The following PRKAG2 variants were observed in gnomAD, a reference collection of about 807,000 sequenced individuals.
PRKAG2 encodes 5'-AMP-activated protein kinase subunit gamma-2.
In PRKAG2, 26 loss-of-function variants were observed where a neutral mutation model predicts 69.6. The ratio of observed to expected loss-of-function variants is 0.37; its 90% CI spans 0.27 to 0.52. The LOEUF (loss-of-function observed/expected upper bound fraction) is 0.52, where lower values mean the gene tolerates loss of function less well. PRKAG2 is among the 20% of genes least tolerant of loss of function. The pLI, the probability that PRKAG2 is intolerant of heterozygous loss-of-function variation, is 0.90. For missense variants in PRKAG2, 557 were observed against 740.0 expected, an observed-to-expected ratio of 0.75 and a Z score of 2.87; for synonymous variants, 293 against 285.0, an observed-to-expected ratio of 1.03 and a Z score of -0.28.
intron 3 of PRKAG2, among the ~76,000 whole-genome samples, chr7:151,722,774 C>A (rs534537337): frequency 4.6e-5 from 7 of 152,086 alleles, no homozygotes; most frequent in African/African-American, 1.7e-4. Context: ...ACAGGCACTT[C>A]TTATTATGGA....
intron 5 of PRKAG2, among the ~76,000 whole-genome samples, chr7:151,620,160 A>ATATATATATTTTAATATATAT (rs1261690400): frequency 1.2e-4 from 18 of 152,220 alleles, no homozygotes; most frequent in African/African-American, 4.3e-4. Flanking sequence ...CATGAGGTAT[A>ATATATATATTTTAATATATAT]CTTTTAGCTA....
intron 1 of PRKAG2, among the ~76,000 whole-genome samples, chr7:151,808,089 C>T (rs1324408221): frequency 6.6e-6 from 1 of 152,152 alleles, no homozygotes; most frequent in Non-Finnish European, 1.5e-5. Flanking sequence ...GCGGGCGGGG[C>T]TCCCCACCCA....
intron 1 of PRKAG2, among the ~76,000 whole-genome samples, chr7:151,835,000 C>T (rs867010621): frequency 6.6e-4 from 101 of 152,276 alleles, no homozygotes; most frequent in African/African-American, 2.2e-3. Flanking sequence ...GAGGTCTCTC[C>T]GGGCATATCT....
At chr7:151,604,591 T>C (rs1022267981) in intron 5 of PRKAG2, among the ~76,000 whole-genome samples, 1 of 152,074 alleles carries the variant, frequency 6.6e-6, no homozygotes, top group Non-Finnish European at 1.5e-5. Flanking sequence ...TGAGCTGTGA[T>C]TGTGCTACTG....
At chr7:151,617,831 G>A (rs1820545372) in intron 5 of PRKAG2, among the ~76,000 whole-genome samples, 1 of 152,048 alleles carries the variant, frequency 6.6e-6, no homozygotes, top group South Asian at 2.1e-4. Context: ...TTAATATGCT[G>A]AATTTCATTA....
intron 6 of PRKAG2, among the ~76,000 whole-genome samples, chr7:151,586,062 G>C (rs1376091965): frequency 6.6e-6 from 1 of 152,256 alleles, no homozygotes; most frequent in East Asian, 1.9e-4. Flanking sequence ...CCTGCACAGA[G>C]TGAGGAGTGC....
At chr7:151,562,674 A>G (rs1179490638) in intron 14 of PRKAG2, among the ~76,000 whole-genome samples, 3 of 152,116 alleles carry the variant, frequency 2.0e-5, no homozygotes, top group Admixed American at 6.6e-5. Flanking sequence ...GTTACATTCA[A>G]TAGTGGATAT....
chr7:151,793,736 C>T (rs957548187), intron 1 of PRKAG2, among the ~76,000 whole-genome samples: 5 of 152,340 alleles, frequency 3.3e-5, no homozygotes, highest in South Asian at 2.1e-4. Flanking sequence ...GCCGGCCTTG[C>T]GCAATCCCCA....
At chr7:151,824,801 C>CT (rs2151868318) in intron 1 of PRKAG2, among the ~76,000 whole-genome samples, 1 of 152,324 alleles carries the variant, frequency 6.6e-6, no homozygotes, top group South Asian at 2.1e-4. Context: ...CGTGGGGCCA[C>CT]TTACTACCCC....
At chr7:151,748,221 A>G (rs961027863) in intron 3 of PRKAG2, among the ~76,000 whole-genome samples, 14 of 152,148 alleles carry the variant, frequency 9.2e-5, no homozygotes, top group Non-Finnish European at 1.9e-4. Context: ...GTAACCAGCC[A>G]AAAATCTTAC....
chr7:151,652,513 CTTTTTCT>C (rs750854491), intron 4 of PRKAG2, among the ~76,000 whole-genome samples: 5 of 151,970 alleles, frequency 3.3e-5, no homozygotes, highest in Non-Finnish European at 7.4e-5. Context: ...ATGGTAAATT[CTTTTTCT>C]TTTTTCTTTT....
intron 3 of PRKAG2, among the ~76,000 whole-genome samples, chr7:151,757,967 T>G (rs183437055): frequency 6.6e-6 from 1 of 152,266 alleles, no homozygotes; most frequent in Non-Finnish European, 1.5e-5. Flanking sequence ...ACTGCTGCGA[T>G]GAAGCCCTGC....
intron 4 of PRKAG2, among the ~76,000 whole-genome samples, chr7:151,657,553 T>C (rs554094380): frequency 6.6e-6 from 1 of 152,254 alleles, no homozygotes; most frequent in East Asian, 1.9e-4. Flanking sequence ...TTACTAGTCA[T>C]ACAATCTCCA....
chr7:151,676,792 C>T (rs1833010310), intron 3 of PRKAG2, among the ~76,000 whole-genome samples: 1 of 152,136 alleles, frequency 6.6e-6, no homozygotes, highest in Non-Finnish European at 1.5e-5. Context: ...TGAGATTTTG[C>T]TGGACTAGGG....
intron 3 of PRKAG2, among the ~76,000 whole-genome samples, chr7:151,763,045 G>A (rs2075512610): frequency 1.3e-5 from 2 of 152,104 alleles, no homozygotes; most frequent in Non-Finnish European, 2.9e-5. Flanking sequence ...TCCCTCTACC[G>A]GCTCCTCCCC....
chr7:151,573,540 C>T (rs1192625915), intron 8 of PRKAG2, among the ~76,000 whole-genome samples: 1 of 151,568 alleles, frequency 6.6e-6, no homozygotes, highest in Non-Finnish European at 1.5e-5. Flanking sequence ...TGCTTTTTTG[C>T]AATTTTGATT....
chr7:151,564,871 T>C (rs1805867047), intron 13 of PRKAG2, among the ~76,000 whole-genome samples: 1 of 152,094 alleles, frequency 6.6e-6, no homozygotes, highest in African/African-American at 2.4e-5. Flanking sequence ...GAATGTTTAA[T>C]GTGGGGTCAG....
intron 3 of PRKAG2, among the ~76,000 whole-genome samples, chr7:151,754,932 G>A (rs2074975607): frequency 6.6e-6 from 1 of 152,208 alleles, no homozygotes; most frequent in East Asian, 1.9e-4. Flanking sequence ...CTATCTGCAG[G>A]AAGGGTCGCT....
intron 5 of PRKAG2, among the ~76,000 whole-genome samples, chr7:151,595,813 C>G (rs1814354609): frequency 6.6e-6 from 1 of 152,090 alleles, no homozygotes; most frequent in Non-Finnish European, 1.5e-5. Context: ...AGAATTAAAT[C>G]AGGGTTAATA....
Sources: allele counts gnomAD v4.1 joint callset (sites outside exome capture counted in the v4.1 genomes callset), GRCh38; gene constraint gnomAD v4.1.1; transcripts MANE v1.5; gene names NCBI Gene and HGNC (gene_info 2026-07-23, HGNC 2026-07-21).